The following DLGAP2 variants were observed in gnomAD, a reference collection of about 807,000 sequenced individuals.
The protein encoded by DLGAP2 is disks large-associated protein 2.
In DLGAP2, 26 loss-of-function variants were observed where a neutral mutation model predicts 100.3. The observed-to-expected ratio is 0.26, with a 90% CI of 0.19 to 0.36. The LOEUF (loss-of-function observed/expected upper bound fraction) is 0.36. DLGAP2 is among the 10% of genes least tolerant of loss of function. The pLI is 1.00. For missense variants in DLGAP2, 1,858 were observed against 1,453.2 expected (o/e 1.28, Z -4.53); for synonymous variants, 886 against 630.1 (o/e 1.41, Z -6.08).
At chr8:1,164,717 T>G (rs62487540) in intron 2 of DLGAP2, among the ~76,000 whole-genome samples, 1 of 152,068 alleles carries the variant, frequency 6.6e-6, no homozygotes, top group Non-Finnish European at 1.5e-5. Context: ...AAGTTTGTCT[T>G]TCTGACTCCT....
intron 2 of DLGAP2, chr8:1,002,493 T>G (rs747113248): frequency 6.6e-6 from 1 of 152,258 alleles, no homozygotes; most frequent in Non-Finnish European, 1.5e-5. Context: ...ACTTGTGGAA[T>G]GACTGCTGTA....
intron 6 of DLGAP2, among the ~76,000 whole-genome samples, chr8:1,591,434 G>A (rs1480052724): frequency 2.0e-5 from 3 of 152,042 alleles, no homozygotes; most frequent in African/African-American, 7.3e-5. Context: ...CGTTGGACTG[G>A]GCATTTTTCA....
chr8:961,372 A>G (rs1407690902), intron 2 of DLGAP2, among the ~76,000 whole-genome samples: 1 of 151,378 alleles, frequency 6.6e-6, no homozygotes, highest in Non-Finnish European at 1.5e-5. Context: ...ACTCCACACA[A>G]TTTTGCATAT....
intron 2 of DLGAP2, among the ~76,000 whole-genome samples, chr8:1,256,363 T>G (rs1195864380): frequency 7.2e-6 from 1 of 139,404 alleles, no homozygotes; most frequent in African/African-American, 2.8e-5. Context: ...GCCCGGGTGC[T>G]GTGTGTGTGT....
chr8:1,436,365 G>A (rs1797628731), intron 3 of DLGAP2, among the ~76,000 whole-genome samples: 1 of 152,188 alleles, frequency 6.6e-6, no homozygotes, highest in African/African-American at 2.4e-5. Context: ...ATGGAGGCTG[G>A]AAGACTCAGC....
intron 2 of DLGAP2, among the ~76,000 whole-genome samples, chr8:1,251,353 G>T (rs6994623): frequency 0.99 from 150,885 of 152,352 alleles, 74,752 homozygotes; most frequent in Middle Eastern, 1. Context: ...AAAAATGAGA[G>T]AGTGTTTTGC....
intron 2 of DLGAP2, among the ~76,000 whole-genome samples, chr8:1,117,891 A>T (rs1227448801): frequency 6.6e-6 from 1 of 152,326 alleles, no homozygotes; most frequent in East Asian, 1.9e-4. Context: ...TCCTTTAAGA[A>T]AATCAGACAA....
At chr8:1,320,658 C>T (rs978086958) in intron 3 of DLGAP2, among the ~76,000 whole-genome samples, 19 of 152,170 alleles carry the variant, frequency 1.2e-4, no homozygotes, top group South Asian at 6.2e-4. Flanking sequence ...TCCCCAAGCA[C>T]GACATTCTCA....
chr8:855,600 G>T lies in DLGAP2; in HGVS notation c.19-52312G>T, dbSNP rs148857787. ...TAAAACTGGTGCTGTAAGTTCCCAC[G>T]TAAGCTTCAGGTGCCTGAGAGTGAA... On this transcript the variant is annotated intron_variant, in intron 1 of 14. Coordinates refer to ENST00000637795, the MANE Select transcript of DLGAP2 (RefSeq NM_001346810.2). 6.6e-5 allele frequency among the ~76,000 whole-genome samples: 10 copies of T among 152,292 alleles called. No individual in the cohort carries two copies. The South Asian group carries it at 1.9e-3, about 28-fold the overall frequency.
At chr8:1,435,377 C>G (rs756093341) in intron 3 of DLGAP2, among the ~76,000 whole-genome samples, 3 of 152,188 alleles carry the variant, frequency 2.0e-5, no homozygotes, top group African/African-American at 7.2e-5. Flanking sequence ...CAGTCAAAGA[C>G]AAACTGCAGG....
intron 3 of DLGAP2, among the ~76,000 whole-genome samples, chr8:1,470,412 T>C (rs1312151827): frequency 6.6e-6 from 1 of 152,116 alleles, no homozygotes; most frequent in East Asian, 1.9e-4. Flanking sequence ...GAGTGGCCGA[T>C]GCAGTGGCAT....
At chr8:791,913 A>AC in intron 1 of DLGAP2, among the ~76,000 whole-genome samples, 1 of 152,262 alleles carries the variant, frequency 6.6e-6, no homozygotes, top group South Asian at 2.1e-4. Context: ...ATTGGAGTTA[A>AC]CCCCTAACGA....
intron 6 of DLGAP2, among the ~76,000 whole-genome samples, chr8:1,620,085 C>T (rs1375696782): frequency 6.6e-6 from 1 of 152,220 alleles, no homozygotes; most frequent in Admixed American, 6.5e-5. Flanking sequence ...CTCAAATCGC[C>T]TGTCCTCTCT....
chr8:1,548,207 C>G (rs1007614916), intron 4 of DLGAP2, among the ~76,000 whole-genome samples: 6 of 152,104 alleles, frequency 3.9e-5, no homozygotes, highest in African/African-American at 1.2e-4. Flanking sequence ...TATCTGTAAT[C>G]CCAGGACTTT....
At chr8:1,324,467 A>T (rs561618845) in intron 3 of DLGAP2, among the ~76,000 whole-genome samples, 1 of 152,200 alleles carries the variant, frequency 6.6e-6, no homozygotes, top group Non-Finnish European at 1.5e-5. Flanking sequence ...CACAGCGTTC[A>T]AGCGACATGT....
At chr8:1,451,255 T>C (rs1798151883) in intron 3 of DLGAP2, among the ~76,000 whole-genome samples, 1 of 152,046 alleles carries the variant, frequency 6.6e-6, no homozygotes, top group Non-Finnish European at 1.5e-5. Flanking sequence ...GTAACTAACA[T>C]CCTACATAAC....
chr8:1,551,640 C>G (rs1263666773), intron 5 of DLGAP2, among the ~76,000 whole-genome samples: 1 of 152,048 alleles, frequency 6.6e-6, no homozygotes, highest in Admixed American at 6.5e-5. Context: ...AACCCACACA[C>G]CGTCAGCCCC....
At chr8:856,170 A>AATCTTCTT (rs1186196922) in intron 1 of DLGAP2, among the ~76,000 whole-genome samples, 1 of 89,730 alleles carries the variant, frequency 1.1e-5, no homozygotes, top group Non-Finnish European at 2.5e-5. Context: ...TTAGTGGAAA[A>AATCTTCTT]ATCTTCTTCT....
In DLGAP2 at chr8:1,589,934, C is replaced by T. The variant is rs575786605; in HGVS notation, c.1442+24040C>T. 3.8e-4 allele frequency among the ~76,000 whole-genome samples: 58 copies of T among 152,300 alleles called. 1 individual carries two copies. The highest frequency in any genetic ancestry group is 2.7e-3 in the South Asian group (13 of 4,820). ...CTGGGGCTGCCATAACAAAGTACCA[C>T]ACACAGCGTGGCTTAAAACAATAGA... On this transcript the variant is annotated intron_variant, in intron 6 of 14. Transcript: ENST00000637795.
Sources: gnomAD v4.1 joint callset for allele counts (sites outside exome capture counted in the v4.1 genomes callset) on GRCh38, gnomAD v4.1.1 for gene constraint, MANE v1.5 for transcripts, NCBI Gene and HGNC (gene_info 2026-07-23, HGNC 2026-07-21) for gene names.